The following RNPEP variants were observed in gnomAD, a reference collection of about 807,000 sequenced individuals.
RNPEP encodes aminopeptidase B.
Under a neutral mutation model 70.1 loss-of-function variants are expected in RNPEP, and 57 were observed. The ratio of observed to expected loss-of-function variants is 0.81; its 90% CI spans 0.66 to 1.01. The LOEUF is 1.01. Ranked by LOEUF, RNPEP falls within the 50% of genes least tolerant of loss-of-function variation. The pLI, the probability that RNPEP is intolerant of heterozygous loss-of-function variation, is 0.00. For synonymous variants in RNPEP, 335 were observed against 357.4 expected (o/e 0.94, Z 0.71); for missense variants, 787 against 852.4 (o/e 0.92, Z 0.96).
chr1:201,993,760 CAG>C (rs1257407204), intron 3 of RNPEP, among the ~76,000 whole-genome samples: 3 of 152,288 alleles, frequency 2.0e-5, no homozygotes, highest in East Asian at 1.9e-4. Context: ...GCCTGGGCAA[CAG>C]AGCAAGACTC....
intron 10 of RNPEP, among the ~76,000 whole-genome samples, chr1:202,004,946 C>G (rs188369120): frequency 1.4e-4 from 22 of 152,296 alleles, no homozygotes; most frequent in African/African-American, 5.3e-4. Context: ...GGAAAGGCCC[C>G]GGGCTCTCAG....
intron 3 of RNPEP, among the ~76,000 whole-genome samples, chr1:201,993,827 T>C (rs1683438373): frequency 6.6e-6 from 1 of 152,132 alleles, no homozygotes; most frequent in Non-Finnish European, 1.5e-5. Flanking sequence ...TATTCTCTTC[T>C]GGCACGACAC....
intron 3 of RNPEP, among the ~76,000 whole-genome samples, chr1:201,993,364 A>G (rs1683413096): frequency 6.6e-6 from 1 of 152,182 alleles, no homozygotes; most frequent in Admixed American, 6.5e-5. Context: ...TGGGAGGCCA[A>G]GGTGGGAGGA....
At chr1:202,001,329 T>G in intron 6 of RNPEP, 47 bp from the exon 7 acceptor site, 2 of 1,299,576 alleles carry the variant, frequency 1.5e-6, no homozygotes, top group South Asian at 2.4e-5. Context: ...ACGTTACGGG[T>G]GACAGGCTAC....
intron 9 of RNPEP, among the ~76,000 whole-genome samples, chr1:202,003,915 A>G (rs952940071): frequency 1.3e-5 from 2 of 152,314 alleles, no homozygotes; most frequent in South Asian, 4.1e-4. Context: ...TCAACCTCTA[A>G]TGCTTTGTGG....
chr1:202,006,058 C>G lies in RNPEP; in HGVS notation c.*342C>G. Reference sequence around the variant, plus strand: ...TTTTCTCTTTCTGTCCTTTTTCTTGCTGATTTTATGCAAAGGGCTGGCATT... The same window carrying G: ...TTTTCTCTTTCTGTCCTTTTTCTTGGTGATTTTATGCAAAGGGCTGGCATT... On this transcript the variant is annotated 3_prime_UTR_variant, in exon 11 of 11. Transcript: ENST00000295640. 4.3e-6 allele frequency: 1 copy of G among 230,954 alleles called. No homozygotes were observed. Among genetic ancestry groups the G allele is most frequent in the Non-Finnish European group, 8.6e-6 (1 of 116,380 alleles). The allele number at this position is 230,954 out of a possible 1,614,324, so 14.3% of individuals were successfully genotyped here. A position where few individuals can be genotyped will look rare whatever the true frequency, so the allele number is the denominator to read the frequency against.
At chr1:201,984,162 C>T (rs1352420660) in intron 1 of RNPEP, among the ~76,000 whole-genome samples, 3 of 152,188 alleles carry the variant, frequency 2.0e-5, no homozygotes, top group Non-Finnish European at 4.4e-5. Flanking sequence ...GAACTCCTGA[C>T]CTCGTGATCC....
chr1:201,988,437 G>C (rs12042907), intron 1 of RNPEP, among the ~76,000 whole-genome samples: 1 of 135,376 alleles, frequency 7.4e-6, no homozygotes, highest in Non-Finnish European at 1.5e-5. Flanking sequence ...CAGCCTGGGC[G>C]ACAGAGCGAT....
intron 4 of RNPEP, 23 bp downstream of exon 4, chr1:201,996,286 G>T: frequency 6.8e-7 from 1 of 1,474,582 alleles, no homozygotes; most frequent in Non-Finnish European, 9.5e-7. Flanking sequence ...ATTGACTCTA[G>T]TGTCTCCTGT....
chr1:201,988,477 A>C (rs56190642), intron 1 of RNPEP, among the ~76,000 whole-genome samples: 20,883 of 147,842 alleles, frequency 0.14, 1,793 homozygotes, highest in Middle Eastern at 0.3. Flanking sequence ...AAAAAAAAAA[A>C]AAAAAACATA....
At chr1:201,985,312 G>A (rs1288383887) in intron 1 of RNPEP, among the ~76,000 whole-genome samples, 1 of 152,006 alleles carries the variant, frequency 6.6e-6, no homozygotes, top group Non-Finnish European at 1.5e-5. Flanking sequence ...CACCATCTCA[G>A]CTCACTGCAG....
chr1:202,001,339 C>A (rs781105011), intron 6 of RNPEP, 37 bp from the exon 7 acceptor site: 6 of 1,454,418 alleles, frequency 4.1e-6, no homozygotes. Context: ...TGACAGGCTA[C>A]AAAAGCTCAA....
chr1:201,993,148 G>T (rs1413951744), intron 3 of RNPEP, among the ~76,000 whole-genome samples: 1 of 152,058 alleles, frequency 6.6e-6, no homozygotes, highest in Non-Finnish European at 1.5e-5. Context: ...TATCCTTCCG[G>T]ACTGCAACAA....
Position 202,005,869 on chromosome 1 carries a change from C to A in RNPEP, c.*153C>A. 1 of 911,838 alleles carries A rather than the reference C, an allele frequency of 1.1e-6. No homozygotes were observed. Among genetic ancestry groups the A allele is most frequent in the Non-Finnish European group, 1.6e-6 (1 of 610,772 alleles). The allele number at this position is 911,838 out of a possible 1,614,324, so 56.5% of individuals were successfully genotyped here. ...GCTTAGGTATCTGTGACTCTTGGGCCTCTGCTCTGGTGGGAACTTACTTCT... is the reference window on the plus strand; with the variant it reads ...GCTTAGGTATCTGTGACTCTTGGGCATCTGCTCTGGTGGGAACTTACTTCT... On this transcript the variant is annotated 3_prime_UTR_variant, in exon 11 of 11. Coordinates refer to ENST00000295640, the MANE Select transcript of RNPEP (RefSeq NM_020216.4).
In RNPEP at chr1:201,996,348, C is replaced by T. The variant is rs1381507871; in HGVS notation, c.854+85C>T. On this transcript the variant is annotated intron_variant, in intron 4 of 10. Coordinates refer to ENST00000295640, the MANE Select transcript of RNPEP (RefSeq NM_020216.4). ...TCCTCTTCGTGTGGCTTTTCCACCTCCTGCCTCCCAGAGCAAAGTTTCCCT... is the reference window on the plus strand; with the variant it reads ...TCCTCTTCGTGTGGCTTTTCCACCTTCTGCCTCCCAGAGCAAAGTTTCCCT... The T allele has an allele frequency of 4.2e-6, 4 of 963,470 alleles. No homozygotes were observed. The Admixed American group carries it at 5.4e-5, about 13-fold the overall frequency. 59.7% of individuals were successfully genotyped at this position (963,470 alleles called of 1,614,324 possible). A position where few individuals can be genotyped will look rare whatever the true frequency, so the allele number is the denominator to read the frequency against.
At chr1:201,993,248 G>T (rs1315978059) in intron 3 of RNPEP, among the ~76,000 whole-genome samples, 2 of 152,068 alleles carry the variant, frequency 1.3e-5, no homozygotes, top group African/African-American at 2.4e-5. Flanking sequence ...CTTCAAATCT[G>T]CAGCCTCCCC....
chr1:202,003,193 C>A, intron 8 of RNPEP, 44 bp from the exon 9 acceptor site: 1 of 1,500,536 alleles, frequency 6.7e-7, no homozygotes, highest in Non-Finnish European at 9.2e-7. Flanking sequence ...TTGACCGTAA[C>A]CTGGCCAGAG....
intron 3 of RNPEP, among the ~76,000 whole-genome samples, chr1:201,991,536 G>T (rs73074431): frequency 0.012 from 1,873 of 152,290 alleles, 39 homozygotes; most frequent in African/African-American, 0.041. Flanking sequence ...GCCCTTTTAT[G>T]TATAATCTCT....
At chr1:201,985,870 C>T (rs1683115046) in intron 1 of RNPEP, among the ~76,000 whole-genome samples, 1 of 152,168 alleles carries the variant, frequency 6.6e-6, no homozygotes, top group African/African-American at 2.4e-5. Flanking sequence ...TGTCATGTAT[C>T]CTCTTGGGAC....
Sources: gnomAD v4.1 joint callset for allele counts (sites outside exome capture counted in the v4.1 genomes callset) on GRCh38, gnomAD v4.1.1 for gene constraint, MANE v1.5 for transcripts, NCBI Gene and HGNC (gene_info 2026-07-23, HGNC 2026-07-21) for gene names.